Variants in TSPAN9 observed in about 807,000 individuals in gnomAD.
The protein encoded by TSPAN9 is tetraspanin 9.
In TSPAN9, 16 loss-of-function variants were observed where a neutral mutation model predicts 31.0. The ratio of observed to expected loss-of-function variants is 0.52; its 90% CI spans 0.35 to 0.78. The LOEUF (loss-of-function observed/expected upper bound fraction) is 0.78, where lower values mean the gene tolerates loss of function less well. Among genes scored for constraint, TSPAN9 ranks in the 30% least tolerant of loss-of-function variants. The probability of loss-of-function intolerance (pLI) is 0.01; values close to 1 mark genes in which losing one functional copy is unlikely to be tolerated. For missense variants in TSPAN9, 272 were observed against 312.5 expected (o/e 0.87, Z 0.98); for synonymous variants, 145 against 121.6 (o/e 1.19, Z -1.27).
chr12:3,193,910 GT>G (rs1402059792), intron 2 of TSPAN9, among the ~76,000 whole-genome samples: 1 of 152,074 alleles, frequency 6.6e-6, no homozygotes, highest in Non-Finnish European at 1.5e-5. Flanking sequence ...ATGGCTGTGA[GT>G]GAGACAGCTG....
At chr12:3,228,385 C>T (rs1280720965) in intron 3 of TSPAN9, among the ~76,000 whole-genome samples, 1 of 152,198 alleles carries the variant, frequency 6.6e-6, no homozygotes, top group East Asian at 1.9e-4. Context: ...AATAAATAAG[C>T]TCTCCTCACA....
intron 3 of TSPAN9, among the ~76,000 whole-genome samples, chr12:3,232,292 G>A (rs926525332): frequency 1.3e-5 from 2 of 151,286 alleles, no homozygotes; most frequent in African/African-American, 2.4e-5. Flanking sequence ...TTCCTACAGT[G>A]AGATATGTTT....
rs141200161 is a variant in TSPAN9 at position 3,230,089 on chromosome 12, C to T, written c.63+28833C>T. Among the ~76,000 whole-genome samples the T allele has an allele frequency of 2.9e-3, 440 of 152,268 alleles. 1 individual carries two copies. Among genetic ancestry groups the T allele is most frequent in the Admixed American group, 4.6e-3 (71 of 15,298 alleles). On this transcript the variant is annotated intron_variant, in intron 3 of 8. Transcript: ENST00000011898. ...TCCTCCCATCATCTGTCTGGGACTT[C>T]TCTCCACGAAGCAGAAAACCTACTA...
intron 2 of TSPAN9, 73 bp from the exon 3 acceptor site, chr12:3,201,104 G>T: frequency 7.2e-7 from 1 of 1,391,132 alleles, no homozygotes; most frequent in South Asian, 1.2e-5. Context: ...CGTTAAGACC[G>T]ACAAGTGCAA....
chr12:3,183,755 G>T (rs1016346854), intron 2 of TSPAN9, among the ~76,000 whole-genome samples: 12 of 152,160 alleles, frequency 7.9e-5, no homozygotes, highest in Admixed American at 5.2e-4. Flanking sequence ...GAGGGAACTC[G>T]GCATTTGGGA....
At chr12:3,083,104 T>C (rs1591618752) in intron 1 of TSPAN9, among the ~76,000 whole-genome samples, 3 of 152,382 alleles carry the variant, frequency 2.0e-5, no homozygotes, top group Admixed American at 2.0e-4. Context: ...GCTGCAGTTT[T>C]ATTTCTCACT....
chr12:3,142,701 G>A (rs898348920), intron 2 of TSPAN9, among the ~76,000 whole-genome samples: 5 of 152,254 alleles, frequency 3.3e-5, no homozygotes, highest in South Asian at 2.1e-4. Flanking sequence ...CCTGCGGTGC[G>A]TATCTCCCTG....
At position 3,143,469 on chromosome 12, in the gene TSPAN9, A is replaced by G. The variant is rs957780558; in HGVS notation, c.-17-57708A>G. Among the ~76,000 whole-genome samples, 2 of 151,722 alleles carry G rather than the reference A, an allele frequency of 1.3e-5. No homozygotes were observed. Among genetic ancestry groups the G allele is most frequent in the African/African-American group, 2.4e-5 (1 of 41,304 alleles). On this transcript the variant is annotated intron_variant, in intron 2 of 8. Coordinates refer to ENST00000011898, the MANE Select transcript of TSPAN9 (RefSeq NM_006675.5). The surrounding 1 kb of genome is among the most constrained non-coding windows in gnomAD (Gnocchi z 4.2). ...TTTCTGTTTCCCTCATTTCTTCTGC[A>G]TTTATTAATTGGAATTCTCCAAGAA...
chr12:3,182,044 G>T (rs567653460), intron 2 of TSPAN9, among the ~76,000 whole-genome samples: 5 of 152,172 alleles, frequency 3.3e-5, no homozygotes, highest in African/African-American at 9.6e-5. Context: ...TGGAGGGCCC[G>T]TGTGTGATGT....
At chr12:3,116,725 C>T (rs1420593456) in intron 2 of TSPAN9, among the ~76,000 whole-genome samples, 2 of 152,172 alleles carry the variant, frequency 1.3e-5, no homozygotes, top group African/African-American at 2.4e-5. Context: ...ATCCTTTGGC[C>T]GTGCCTCTGC....
intron 3 of TSPAN9, among the ~76,000 whole-genome samples, chr12:3,228,419 A>G (rs958003481): frequency 2.6e-5 from 4 of 152,364 alleles, no homozygotes; most frequent in Middle Eastern, 3.4e-3. Flanking sequence ...TCCCCATTTC[A>G]CGCATGAGGA....
intron 3 of TSPAN9, among the ~76,000 whole-genome samples, chr12:3,263,797 G>A (rs1023847448): frequency 3.3e-5 from 5 of 152,206 alleles, no homozygotes; most frequent in Admixed American, 1.3e-4. Flanking sequence ...GTGTTGGGGG[G>A]TGAGGGAGGA....
chr12:3,112,699 G>C (rs1233932209), intron 2 of TSPAN9, among the ~76,000 whole-genome samples: 1 of 73,764 alleles, frequency 1.4e-5, no homozygotes, highest in East Asian at 5.8e-4. Context: ...TTTTTTTGGA[G>C]ACAGAGTCTC....
chr12:3,281,083 A>G (rs367590282), intron 6 of TSPAN9, 115 bp from the exon 7 acceptor site: 2 of 1,494,066 alleles, frequency 1.3e-6, no homozygotes, highest in South Asian at 1.3e-5. Flanking sequence ...TCCTCCCTTA[A>G]CTGCAGGGTG....
intron 3 of TSPAN9, chr12:3,273,004 C>T (rs1862711117): frequency 1.3e-5 from 2 of 152,418 alleles, no homozygotes; most frequent in South Asian, 4.1e-4. Flanking sequence ...CCTCAGTTTA[C>T]CTGCTGCGCG....
rs1862877502 is a variant in TSPAN9, at chr12:3,280,694, G to A, written c.432+211G>A. 6.6e-6 allele frequency among the ~76,000 whole-genome samples: 1 copy of A among 152,198 alleles called. No individual in the cohort carries two copies. Among genetic ancestry groups the A allele is most frequent in the Admixed American group, 6.5e-5 (1 of 15,280 alleles). On this transcript the variant is annotated intron_variant, in intron 6 of 8. Coordinates refer to ENST00000011898, the MANE Select transcript of TSPAN9 (RefSeq NM_006675.5). The surrounding 1 kb of genome is among the most constrained non-coding windows in gnomAD (Gnocchi z 4.5). The stretch of plus-strand genomic sequence containing the variant: ...CAGGGAGGGATGAGGATACAGGAGG[G>A]GCAGGCCTGAGAGAGCTGTGGCTGA...
At chr12:3,273,553 C>A (rs946832807) in intron 3 of TSPAN9, among the ~76,000 whole-genome samples, 3 of 152,218 alleles carry the variant, frequency 2.0e-5, no homozygotes, top group Non-Finnish European at 4.4e-5. Flanking sequence ...CTGAGACAAA[C>A]CCCTGGTTTT....
At position 3,187,248 on chromosome 12, in the gene TSPAN9, C is replaced by T. The variant is rs938113031; in HGVS notation, c.-17-13929C>T. On this transcript the variant is annotated intron_variant, in intron 2 of 8. Coordinates refer to ENST00000011898, the MANE Select transcript of TSPAN9 (RefSeq NM_006675.5). The surrounding 1 kb of genome is among the most constrained non-coding windows in gnomAD (Gnocchi z 5.2). ...GTGATGAAGGTTGGGGTTGGCGGGG[C>T]AGTGGTGTGTTTTCCAGGATTGGCA... Among the ~76,000 whole-genome samples the T allele has an allele frequency of 2.0e-5, 3 of 152,102 alleles. No homozygotes were observed. Among genetic ancestry groups the T allele is most frequent in the South Asian group, 4.1e-4 (2 of 4,822 alleles).
rs1191571833 is a variant in TSPAN9 at position 3,198,394 on chromosome 12, G to C, written c.-17-2783G>C. On this transcript the variant is annotated intron_variant, in intron 2 of 8. Transcript: ENST00000011898. ...CCAGCACAGGCCACCACCAGCACAG[G>C]TCACCACCAGCACAGGTCACACCAG... 3.4e-3 allele frequency among the ~76,000 whole-genome samples: 195 copies of C among 57,222 alleles called. 2 individuals carry two copies. Among genetic ancestry groups the C allele is most frequent in the African/African-American group, 0.013 (175 of 13,672 alleles). The allele number at this position is 57,222 out of a possible 152,430, so 37.5% of individuals were successfully genotyped here.
Sources: allele counts gnomAD v4.1 joint callset (sites outside exome capture counted in the v4.1 genomes callset), GRCh38; gene constraint gnomAD v4.1.1; non-coding constraint Gnocchi (gnomAD v3.1); transcripts MANE v1.5; gene names NCBI Gene and HGNC (gene_info 2026-07-23, HGNC 2026-07-21).